CAV3: variants seen among roughly 807,000 people sequenced by gnomAD.
CAV3 encodes the protein caveolin-3.
In CAV3, 10 loss-of-function variants were observed where a neutral mutation model predicts 13.4. That is an observed-to-expected ratio of 0.75 (90% confidence interval 0.46 to 1.27). The LOEUF (loss-of-function observed/expected upper bound fraction) is 1.27, where lower values mean the gene tolerates loss of function less well. Ranked by LOEUF, CAV3 falls within the 50% of genes most tolerant of loss-of-function variation. The pLI is 0.00. For synonymous variants in CAV3, 90 were observed against 79.0 expected (o/e 1.14, Z -0.74); for missense variants, 162 against 194.0 (o/e 0.83, Z 0.98).
intron 1 of CAV3, among the ~76,000 whole-genome samples, chr3:8,743,731 A>G (rs557994114): frequency 7.2e-5 from 11 of 152,296 alleles, no homozygotes; most frequent in African/African-American, 2.4e-4. Flanking sequence ...GGAGCTCAGA[A>G]GCTAAAGTCA....
At chr3:8,742,207 A>T (rs111944964) in intron 1 of CAV3, among the ~76,000 whole-genome samples, 29 of 152,254 alleles carry the variant, frequency 1.9e-4, no homozygotes, top group Middle Eastern at 3.4e-3. Context: ...AATCTGAGCT[A>T]GGGGAACAGC....
chr3:8,740,551 G>T (rs1707922638), intron 1 of CAV3, among the ~76,000 whole-genome samples: 1 of 152,188 alleles, frequency 6.6e-6, no homozygotes, highest in South Asian at 2.1e-4. Flanking sequence ...CTTCTGGCAG[G>T]TTCTTCTCTC....
chr3:8,734,722 C>A (rs565183668), intron 1 of CAV3, among the ~76,000 whole-genome samples: 6 of 152,194 alleles, frequency 3.9e-5, no homozygotes, highest in Admixed American at 1.3e-4. Context: ...CCAGAGGGAT[C>A]TTTCTTTTTT....
chr3:8,739,195 G>C (rs1281649859), intron 1 of CAV3, among the ~76,000 whole-genome samples: 1 of 152,198 alleles, frequency 6.6e-6, no homozygotes, highest in Non-Finnish European at 1.5e-5. Context: ...TCAAAATGCA[G>C]TCCACTTTCC....
intron 1 of CAV3, among the ~76,000 whole-genome samples, chr3:8,739,034 C>T (rs1287991457): frequency 6.6e-6 from 1 of 152,252 alleles, no homozygotes; most frequent in Non-Finnish European, 1.5e-5. Context: ...ATCCAATCCA[C>T]CTGTCATTCC....
chr3:8,737,424 A>G (rs1707795492), intron 1 of CAV3, among the ~76,000 whole-genome samples: 2 of 152,120 alleles, frequency 1.3e-5, no homozygotes, highest in Non-Finnish European at 2.9e-5. Context: ...GAAGAGTAGG[A>G]GATAGGCATA....
Position 8,745,185 on chromosome 3 carries a change from T to C in CAV3, c.115-341T>C. ...TGTGGCACTCCACCCCCTGCCCAGC[T>C]CTCTCTCTTGCTCCCACTCTCACCA... On this transcript the variant is annotated intron_variant, in intron 1 of 1. Coordinates refer to ENST00000343849, the MANE Select transcript of CAV3 (RefSeq NM_033337.3). This position sits in a 1 kb window ranked among gnomAD's most constrained non-coding sequence, Gnocchi z 4.8. 1 of 307,790 alleles carries C rather than the reference T, an allele frequency of 3.2e-6. No individual in the cohort carries two copies. Among genetic ancestry groups the C allele is most frequent in the South Asian group, 3.7e-5 (1 of 27,138 alleles). 19.1% of individuals were successfully genotyped at this position (307,790 alleles called of 1,614,324 possible).
At chr3:8,738,409 A>C (rs1707835814) in intron 1 of CAV3, among the ~76,000 whole-genome samples, 1 of 152,232 alleles carries the variant, frequency 6.6e-6, no homozygotes, top group Middle Eastern at 3.2e-3. Flanking sequence ...TGTGCTCATC[A>C]GGGACACCCT....
At chr3:8,739,341 G>C (rs577615248) in intron 1 of CAV3, among the ~76,000 whole-genome samples, 1 of 152,016 alleles carries the variant, frequency 6.6e-6, no homozygotes, top group Admixed American at 6.6e-5. Context: ...GGCCAGGCAC[G>C]GTGGCTCACA....
intron 1 of CAV3, among the ~76,000 whole-genome samples, chr3:8,744,131 A>G (rs938575167): frequency 6.6e-6 from 1 of 152,144 alleles, no homozygotes; most frequent in Non-Finnish European, 1.5e-5. Flanking sequence ...GAGCACTGCT[A>G]GAAAGAAAAC....
At chr3:8,738,056 C>CCT (rs1559645126) in intron 1 of CAV3, among the ~76,000 whole-genome samples, 1 of 150,158 alleles carries the variant, frequency 6.7e-6, no homozygotes, top group African/African-American at 2.4e-5. Context: ...CTCTCTCTCT[C>CCT]CTCTCTCTCT....
At position 8,745,898 on chromosome 3, in the gene CAV3, A is replaced by T; in HGVS notation, c.*31A>T. ...GGTGGGGCAACAGCGGTGGCAGGGC[A>T]GGGGGTGGTGGGCCAGACTGGTCCC... On this transcript the variant is annotated 3_prime_UTR_variant, in exon 2 of 2. Coordinates refer to ENST00000343849, the MANE Select transcript of CAV3 (RefSeq NM_033337.3). The surrounding 1 kb of genome is among the most constrained non-coding windows in gnomAD (Gnocchi z 4.8). 5.8e-6 allele frequency: 9 copies of T among 1,556,724 alleles called. No individual in the cohort carries two copies. Among genetic ancestry groups the T allele is most frequent in the African/African-American group, 1.4e-5 (1 of 74,022 alleles).
At position 8,745,688 on chromosome 3, in the gene CAV3, G is replaced by T. The variant is rs28936686; in HGVS notation, c.277G>T (p.Ala93Ser). The change falls in exon 2 of 2, where the codon GCC becomes TCC. Residue 93 changes from alanine to serine, a missense_variant. By Grantham distance (99) the Ala-to-Ser change is moderately conservative. Transcript: ENST00000343849. The surrounding 1 kb of genome is among the most constrained non-coding windows in gnomAD (Gnocchi z 4.8). Reference sequence around the variant, plus strand: ...GGCCCTGCTCTGGGGCTTCCTGTTCGCCTGCATCTCCTTCTGCCACATCTG... The same window carrying T: ...GGCCCTGCTCTGGGGCTTCCTGTTCTCCTGCATCTCCTTCTGCCACATCTG... ...PLALLWGFLF[A>S]CISFCHIWAV... 33 of 1,614,098 alleles carry T rather than the reference G, an allele frequency of 2.0e-5. 1 individual carries two copies. In the African/African-American group the frequency reaches 3.9e-4, roughly 19 times the overall value.
Position 8,745,476 on chromosome 3 carries a change from A to G in CAV3, c.115-50A>G. 1 of 1,460,932 alleles carries G rather than the reference A, an allele frequency of 6.8e-7. No homozygotes were observed. Among genetic ancestry groups the G allele is most frequent in the Non-Finnish European group, 9.6e-7 (1 of 1,043,100 alleles). 90.5% of individuals were successfully genotyped at this position (1,460,932 alleles called of 1,614,324 possible). A position where few individuals can be genotyped will look rare whatever the true frequency, so the allele number is the denominator to read the frequency against. On this transcript the variant is annotated intron_variant, in intron 1 of 1. Transcript: ENST00000343849. This position sits in a 1 kb window ranked among gnomAD's most constrained non-coding sequence, Gnocchi z 4.8. ...ATGCACGCACACACCCAAAAGCTTG[A>G]GAAGCGGGTGGCTTCTGTGAGTTGA...
At chr3:8,736,914 C>G (rs1164326585) in intron 1 of CAV3, among the ~76,000 whole-genome samples, 1 of 152,154 alleles carries the variant, frequency 6.6e-6, no homozygotes, top group Non-Finnish European at 1.5e-5. Flanking sequence ...GAACAAGGAT[C>G]ATAAAGCAGA....
At chr3:8,737,253 C>T (rs567455582) in intron 1 of CAV3, among the ~76,000 whole-genome samples, 9 of 152,222 alleles carry the variant, frequency 5.9e-5, no homozygotes, top group South Asian at 2.1e-4. Flanking sequence ...ATGAGTGACA[C>T]GGAAAGAATG....
chr3:8,735,607 C>T (rs1488178829), intron 1 of CAV3, among the ~76,000 whole-genome samples: 1 of 152,218 alleles, frequency 6.6e-6, no homozygotes, highest in Non-Finnish European at 1.5e-5. Context: ...GCCACTGGAT[C>T]AGACAGGCCT....
chr3:8,741,891 C>T (rs946763508), intron 1 of CAV3, among the ~76,000 whole-genome samples: 10 of 152,172 alleles, frequency 6.6e-5, no homozygotes, highest in African/African-American at 1.9e-4. Flanking sequence ...GGGTCTCTTG[C>T]TGTTCCAAAA....
intron 1 of CAV3, among the ~76,000 whole-genome samples, chr3:8,734,972 C>T (rs900115101): frequency 7.2e-5 from 11 of 152,156 alleles, no homozygotes; most frequent in Non-Finnish European, 1.3e-4. Context: ...TCCTGCCTCC[C>T]AAAGTGCTGG....
Sources: allele counts gnomAD v4.1 joint callset (sites outside exome capture counted in the v4.1 genomes callset), GRCh38; gene constraint gnomAD v4.1.1; non-coding constraint Gnocchi (gnomAD v3.1); transcripts MANE v1.5; gene names NCBI Gene and HGNC (gene_info 2026-07-23, HGNC 2026-07-21).